The following ADGRL3 variants were observed in gnomAD, a reference collection of about 807,000 sequenced individuals.
ADGRL3 encodes the protein adhesion G protein-coupled receptor L3, also known as calcium-independent alpha-latrotoxin receptor 3.
In ADGRL3, 62 loss-of-function variants were observed where a neutral mutation model predicts 153.5. The observed-to-expected ratio is 0.40, with a 90% CI of 0.33 to 0.50. ADGRL3 has a LOEUF of 0.50. ADGRL3 is among the 20% of genes least tolerant of loss of function. The pLI, the probability that ADGRL3 is intolerant of heterozygous loss-of-function variation, is 0.47. For synonymous variants in ADGRL3, 710 were observed against 672.5 expected (o/e 1.06, Z -0.86); for missense variants, 1,641 against 1,859.4 (o/e 0.88, Z 2.16).
At position 61,567,595 on chromosome 4, in the gene ADGRL3, G is replaced by A. The variant is rs1048215460; in HGVS notation, c.260-19632G>A. Among the ~76,000 whole-genome samples, 4 of 152,288 alleles carry A rather than the reference G, an allele frequency of 2.6e-5. No homozygotes were observed. In the East Asian group the frequency reaches 7.7e-4, roughly 29 times the overall value. ...TGGACCTCCCAGCCTCCAGAACGAT[G>A]AGAAGTACATGTCTGCAGTTTGTGA... On this transcript the variant is annotated intron_variant, in intron 4 of 26. Transcript: ENST00000683033.
intron 5 of ADGRL3, among the ~76,000 whole-genome samples, chr4:61,593,356 G>T (rs572457837): frequency 7.2e-5 from 11 of 151,790 alleles, no homozygotes; most frequent in East Asian, 3.9e-4. Flanking sequence ...GGTTTTTTTT[G>T]TTGTTGTTTG....
At chr4:61,702,364 C>G (rs542668669) in intron 6 of ADGRL3, among the ~76,000 whole-genome samples, 24 of 152,276 alleles carry the variant, frequency 1.6e-4, no homozygotes, top group Non-Finnish European at 3.1e-4. Flanking sequence ...GTGAATCCAG[C>G]CAATTTTATG....
chr4:61,443,239 T>C (rs1180603223), intron 2 of ADGRL3, among the ~76,000 whole-genome samples: 3 of 152,196 alleles, frequency 2.0e-5, no homozygotes, highest in African/African-American at 7.2e-5. Context: ...TACATAGCTA[T>C]GTTCTTTGCA....
intron 25 of ADGRL3, among the ~76,000 whole-genome samples, chr4:62,054,073 T>C (rs145870971): frequency 6.6e-6 from 1 of 151,688 alleles, no homozygotes; most frequent in Non-Finnish European, 1.5e-5. Context: ...AGGAAATGAA[T>C]TGAGTTGCTA....
rs569084718 is a variant in ADGRL3 at position 61,732,219 on chromosome 4, T to C, written c.599-535T>C. 4.1e-4 allele frequency among the ~76,000 whole-genome samples: 62 copies of C among 152,252 alleles called. 1 individual carries two copies. In the South Asian group the frequency reaches 0.013, roughly 31 times the overall value. Reference sequence around the variant, plus strand: ...ATGCTCTGTGTGTGTTGTAGCAACGTTGAGAGCTTTTTTGCTAAAAGATTC... The same window carrying C: ...ATGCTCTGTGTGTGTTGTAGCAACGCTGAGAGCTTTTTTGCTAAAAGATTC... On this transcript the variant is annotated intron_variant, in intron 7 of 26. Transcript: ENST00000683033.
At chr4:62,006,001 C>CAT (rs1560494965) in intron 21 of ADGRL3, among the ~76,000 whole-genome samples, 39 of 64,510 alleles carry the variant, frequency 6.0e-4, no homozygotes, top group Non-Finnish European at 1.1e-3. Flanking sequence ...CACACACACA[C>CAT]ACATATATAT....
At chr4:61,785,301 A>G in intron 8 of ADGRL3, among the ~76,000 whole-genome samples, 1 of 152,086 alleles carries the variant, frequency 6.6e-6, no homozygotes, top group East Asian at 1.9e-4. Context: ...TACTTTTTTT[A>G]TTTGGCCAGT....
At chr4:61,823,892 T>C (rs958831670) in intron 9 of ADGRL3, among the ~76,000 whole-genome samples, 3 of 151,990 alleles carry the variant, frequency 2.0e-5, no homozygotes, top group Non-Finnish European at 4.4e-5. Context: ...AAACCCTGTC[T>C]CTACTAAAAA....
At chr4:61,268,056 A>T (rs1367101833) in intron 1 of ADGRL3, among the ~76,000 whole-genome samples, 1 of 151,674 alleles carries the variant, frequency 6.6e-6, no homozygotes, top group African/African-American at 2.4e-5. Context: ...CCAACGTGCC[A>T]TTTTTAAATG....
chr4:61,721,022 A>T (rs2096233580), intron 6 of ADGRL3, among the ~76,000 whole-genome samples: 1 of 152,348 alleles, frequency 6.6e-6, no homozygotes, highest in Middle Eastern at 3.4e-3. Flanking sequence ...GGAAGTACCC[A>T]GCAAATATAC....
chr4:61,817,295 G>A lies in ADGRL3; in HGVS notation c.1480+3406G>A, dbSNP rs182360487. ...GGCAGGGATGGCCTGAAGCCTGTGG[G>A]TTGGGCTGCCAGTTCTGGATGGAGT... On this transcript the variant is annotated intron_variant, in intron 9 of 26. Transcript: ENST00000683033. Among the ~76,000 whole-genome samples, 342 of 152,312 alleles carry A rather than the reference G, an allele frequency of 2.2e-3. 3 individuals carry two copies. Among genetic ancestry groups the A allele is most frequent in the African/African-American group, 7.9e-3 (330 of 41,568 alleles).
chr4:61,356,455 G>GA (rs1003378241), intron 1 of ADGRL3, among the ~76,000 whole-genome samples: 7 of 150,626 alleles, frequency 4.6e-5, no homozygotes, highest in South Asian at 2.1e-4. Flanking sequence ...TCCTCAAAGA[G>GA]AAAAAAAAAT....
At chr4:61,320,390 G>T (rs2095330906) in intron 1 of ADGRL3, among the ~76,000 whole-genome samples, 1 of 152,164 alleles carries the variant, frequency 6.6e-6, no homozygotes, top group African/African-American at 2.4e-5. Flanking sequence ...ACTAACAGGA[G>T]AGAAAGAAAG....
At chr4:62,045,241 C>G (rs185785973) in intron 25 of ADGRL3, among the ~76,000 whole-genome samples, 15 of 151,832 alleles carry the variant, frequency 9.9e-5, no homozygotes, top group Admixed American at 5.9e-4. Flanking sequence ...CTCTTTCTCT[C>G]TCAACCTCTC....
rs117378379 is a variant in ADGRL3 at position 61,817,760 on chromosome 4, G to A, written c.1480+3871G>A. Among the ~76,000 whole-genome samples the A allele has an allele frequency of 1.4e-4, 22 of 152,244 alleles. No homozygotes were observed. In the East Asian group the frequency reaches 4.1e-3, roughly 28 times the overall value. On this transcript the variant is annotated intron_variant, in intron 9 of 26. Transcript: ENST00000683033. The stretch of plus-strand genomic sequence containing the variant: ...AGAAGGTGAAAGGCATATCTTATGT[G>A]GTAGCAGACAAGAGACAATGCAAGA...
intron 8 of ADGRL3, among the ~76,000 whole-genome samples, chr4:61,812,925 C>T (rs1426717431): frequency 6.6e-6 from 1 of 152,012 alleles, no homozygotes; most frequent in Non-Finnish European, 1.5e-5. Flanking sequence ...AGTAGGAATA[C>T]TTTTGTGTTC....
chr4:61,328,783 G>T (rs1178640326), intron 1 of ADGRL3, among the ~76,000 whole-genome samples: 1 of 152,076 alleles, frequency 6.6e-6, no homozygotes, highest in Non-Finnish European at 1.5e-5. Context: ...TTTATACTAA[G>T]ATGGTCTCAT....
intron 8 of ADGRL3, among the ~76,000 whole-genome samples, chr4:61,751,235 G>T (rs535472176): frequency 6.6e-6 from 1 of 152,126 alleles, no homozygotes; most frequent in Non-Finnish European, 1.5e-5. Flanking sequence ...AGCCTGAAAT[G>T]GTAATTAATT....
intron 8 of ADGRL3, chr4:61,775,883 T>TTTTATTTATTTA (rs376527316): frequency 3.1e-5 from 10 of 324,286 alleles, no homozygotes; most frequent in African/African-American, 2.3e-4. Context: ...CGAATCTTGT[T>TTTTATTTATTTA]TTTATTTATT....
Sources: allele counts gnomAD v4.1 joint callset (sites outside exome capture counted in the v4.1 genomes callset), GRCh38; gene constraint gnomAD v4.1.1; transcripts MANE v1.5; gene names NCBI Gene and HGNC (gene_info 2026-07-23, HGNC 2026-07-21).